The following ACOXL variants were observed in gnomAD, a reference collection of about 807,000 sequenced individuals.
ACOXL encodes acyl-coenzyme A oxidase-like protein.
Under a neutral mutation model 71.9 loss-of-function variants are expected in ACOXL, and 70 were observed. The observed-to-expected ratio is 0.97, with a 90% CI of 0.80 to 1.19. The LOEUF (loss-of-function observed/expected upper bound fraction) is 1.19, where lower values mean the gene tolerates loss of function less well. Among genes scored for constraint, ACOXL ranks in the 50% most tolerant of loss-of-function variants. The pLI is 0.00. For synonymous variants in ACOXL, 253 were observed against 281.6 expected, an observed-to-expected ratio of 0.90 and a Z score of 1.02; for missense variants, 703 against 736.3, an observed-to-expected ratio of 0.95 and a Z score of 0.52.
chr2:111,090,482 G>C (rs767689008), intron 16 of ACOXL, among the ~76,000 whole-genome samples: 5 of 152,104 alleles, frequency 3.3e-5, no homozygotes, highest in African/African-American at 1.2e-4. Context: ...ACAAGCAAAG[G>C]GGGTAGCCCA....
intron 12 of ACOXL, among the ~76,000 whole-genome samples, chr2:110,949,052 A>G (rs2061228950): frequency 6.6e-6 from 1 of 152,124 alleles, no homozygotes; most frequent in African/African-American, 2.4e-5. Flanking sequence ...TAAGAAGCAG[A>G]ACCATGAAAA....
chr2:111,107,839 C>A (rs528590182), intron 17 of ACOXL, among the ~76,000 whole-genome samples: 1 of 152,310 alleles, frequency 6.6e-6, no homozygotes, highest in South Asian at 2.1e-4. Context: ...GACTGGAGAG[C>A]TTTCTGAGTT....
chr2:111,047,542 C>A (rs2066076264), intron 15 of ACOXL, among the ~76,000 whole-genome samples: 1 of 152,190 alleles, frequency 6.6e-6, no homozygotes, highest in Non-Finnish European at 1.5e-5. Flanking sequence ...AATCAGATCA[C>A]AGCAAAAGTC....
chr2:110,978,981 G>A (rs2062581732), intron 12 of ACOXL, among the ~76,000 whole-genome samples: 1 of 152,176 alleles, frequency 6.6e-6, no homozygotes, highest in Admixed American at 6.5e-5. Flanking sequence ...TTGGGAGGGG[G>A]CTGACACACA....
At chr2:110,980,806 G>A (rs570619925) in intron 12 of ACOXL, among the ~76,000 whole-genome samples, 117 of 152,268 alleles carry the variant, frequency 7.7e-4, no homozygotes, top group South Asian at 4.6e-3. Context: ...CTCTAAAGCC[G>A]CTCTGCCCGC....
At chr2:110,992,614 A>C (rs1005071956) in intron 13 of ACOXL, among the ~76,000 whole-genome samples, 1 of 152,202 alleles carries the variant, frequency 6.6e-6, no homozygotes, top group African/African-American at 2.4e-5. Flanking sequence ...CAGTCATGGT[A>C]CTGAAAAGCC....
At chr2:110,736,923 A>G (rs904099449) in intron 1 of ACOXL, among the ~76,000 whole-genome samples, 3 of 152,058 alleles carry the variant, frequency 2.0e-5, no homozygotes, top group African/African-American at 4.8e-5. Context: ...CCTGGCCTAC[A>G]TTTTGATCAT....
chr2:110,916,289 G>A (rs1440782554), intron 11 of ACOXL, among the ~76,000 whole-genome samples: 2 of 151,020 alleles, frequency 1.3e-5, no homozygotes, highest in African/African-American at 4.9e-5. Context: ...TATCAGCTTA[G>A]TTAATCTTTT....
intron 14 of ACOXL, among the ~76,000 whole-genome samples, chr2:110,999,232 A>C (rs1235782431): frequency 6.6e-6 from 1 of 152,056 alleles, no homozygotes; most frequent in Non-Finnish European, 1.5e-5. Context: ...CCATCCATGC[A>C]CCCACACCCC....
At chr2:110,830,913 A>G (rs72832847) in intron 9 of ACOXL, among the ~76,000 whole-genome samples, 3,947 of 152,326 alleles carry the variant, frequency 0.026, 86 homozygotes, top group Non-Finnish European at 0.039. Flanking sequence ...GTTTTTCAGC[A>G]ATATTTGACA....
intron 8 of ACOXL, among the ~76,000 whole-genome samples, chr2:110,803,756 A>G (rs1477961046): frequency 6.6e-6 from 1 of 152,258 alleles, no homozygotes; most frequent in Non-Finnish European, 1.5e-5. Flanking sequence ...AAATATTTGT[A>G]AGTCATATAT....
chr2:110,754,876 T>C (rs1304735008), intron 1 of ACOXL, among the ~76,000 whole-genome samples: 1 of 152,202 alleles, frequency 6.6e-6, no homozygotes, highest in Non-Finnish European at 1.5e-5. Context: ...ACATGAAAAG[T>C]CTATGTTTAA....
chr2:111,049,332 GT>G (rs765448255), intron 16 of ACOXL, 44 bp downstream of exon 16: 11 of 1,453,394 alleles, frequency 7.6e-6, no homozygotes, highest in Non-Finnish European at 9.6e-6. Context: ...GGCTCAGAGC[GT>G]TTTTATTGCC....
chr2:110,855,469 G>C (rs1383858497), intron 10 of ACOXL, among the ~76,000 whole-genome samples: 1 of 152,182 alleles, frequency 6.6e-6, no homozygotes, highest in African/African-American at 2.4e-5. Flanking sequence ...GTGAATATGA[G>C]ATACGATTTG....
chr2:110,922,714 A>G (rs1393984249), intron 11 of ACOXL, among the ~76,000 whole-genome samples: 2 of 152,082 alleles, frequency 1.3e-5, no homozygotes, highest in African/African-American at 2.4e-5. Flanking sequence ...TTAGTTAGAC[A>G]CTCTCCAGGT....
chr2:111,059,134 G>A (rs916705652), intron 16 of ACOXL, among the ~76,000 whole-genome samples: 1 of 152,224 alleles, frequency 6.6e-6, no homozygotes, highest in African/African-American at 2.4e-5. Flanking sequence ...TTATTCAGGA[G>A]GTTGAGGCTG....
intron 12 of ACOXL, among the ~76,000 whole-genome samples, chr2:110,983,960 C>T (rs1374909001): frequency 6.6e-6 from 1 of 152,116 alleles, no homozygotes; most frequent in Non-Finnish European, 1.5e-5. Context: ...AGTGATTCTC[C>T]TGCTTCCCGA....
At chr2:110,828,660 C>A (rs759121285) in intron 9 of ACOXL, among the ~76,000 whole-genome samples, 1 of 152,188 alleles carries the variant, frequency 6.6e-6, no homozygotes. Flanking sequence ...AGTAAGGAGC[C>A]GTTGTAATCC....
At chr2:110,746,083 T>C (rs1678160057) in intron 1 of ACOXL, among the ~76,000 whole-genome samples, 1 of 152,208 alleles carries the variant, frequency 6.6e-6, no homozygotes, top group Non-Finnish European at 1.5e-5. Flanking sequence ...AGATTTATAC[T>C]CTGTTCTCAC....
Sources: allele counts gnomAD v4.1 joint callset (sites outside exome capture counted in the v4.1 genomes callset), GRCh38; gene constraint gnomAD v4.1.1; transcripts MANE v1.5; gene names NCBI Gene and HGNC (gene_info 2026-07-23, HGNC 2026-07-21).